SCTR: variants seen among roughly 807,000 people sequenced by gnomAD.
SCTR encodes secretin receptor, also known as pancreatic secretin receptor.
A neutral mutation model predicts 60.8 loss-of-function variants in SCTR; 56 were observed. The ratio of observed to expected loss-of-function variants is 0.92; its 90% CI spans 0.74 to 1.15. The LOEUF (loss-of-function observed/expected upper bound fraction) is 1.15, where lower values mean the gene tolerates loss of function less well. SCTR is among the 50% of genes most tolerant of loss of function. SCTR has a pLI of 0.00. For missense variants in SCTR, 562 were observed against 550.4 expected (o/e 1.02, Z -0.21); for synonymous variants, 202 against 217.0 (o/e 0.93, Z 0.61).
intron 10 of SCTR, 81 bp downstream of exon 10, chr2:119,448,608 G>T: frequency 1.2e-6 from 1 of 821,942 alleles, no homozygotes; most frequent in Non-Finnish European, 2.1e-6. Context: ...GTCTCCAATA[G>T]CTAGCACCAG....
intron 11 of SCTR, among the ~76,000 whole-genome samples, chr2:119,445,999 A>G (rs993304820): frequency 2.0e-5 from 3 of 152,238 alleles, no homozygotes; most frequent in Non-Finnish European, 4.4e-5. Context: ...ATGAGTAAAT[A>G]AACAAACGGC....
At chr2:119,475,629 TATTTATATTATATATATAATATAA>T (rs1677244523) in intron 3 of SCTR, among the ~76,000 whole-genome samples, 3 of 147,366 alleles carry the variant, frequency 2.0e-5, no homozygotes, top group South Asian at 2.1e-4. Flanking sequence ...TAGATGTAGA[TATTTATATTATATATATAATATAA>T]ATAGATATTT....
At chr2:119,488,773 G>A (rs1677995413) in intron 2 of SCTR, among the ~76,000 whole-genome samples, 1 of 152,184 alleles carries the variant, frequency 6.6e-6, no homozygotes. Flanking sequence ...GCCTTCTTCA[G>A]GTAGTCATTC....
intron 2 of SCTR, among the ~76,000 whole-genome samples, chr2:119,491,088 A>G (rs1040982888): frequency 6.6e-6 from 1 of 152,136 alleles, no homozygotes. Context: ...CCAAACAATG[A>G]CATCGTATCC....
Position 119,453,320 on chromosome 2 carries a change from C to A in SCTR, c.818G>T (p.Trp273Leu), listed in dbSNP as rs749755045. 6.2e-7 allele frequency: 1 copy of A among 1,613,804 alleles called. No individual in the cohort carries two copies. Among genetic ancestry groups the A allele is most frequent in the South Asian group, 1.1e-5 (1 of 91,072 alleles). Residue 273 changes from tryptophan (W) to leucine (L), a missense_variant, in exon 8 of 13, where the codon TGG becomes TTG. By Grantham distance (61) the Trp-to-Leu change is moderately conservative (BLOSUM62 -2). Coordinates refer to ENST00000019103, the MANE Select transcript of SCTR (RefSeq NM_002980.3). ...TTCCAGAAAGTGTCTGGCAATAGCC[C>A]ACAAAGCAACAAAAATGGCTGGAGA... Reference protein sequence around the residue: ...WGSPAIFVALWAIARHFLEDV... With the variant: ...WGSPAIFVALLAIARHFLEDV...
rs71396064 is a variant in SCTR, at chr2:119,519,810, C to CA, written c.72+4344dup. On this transcript the variant is annotated intron_variant, in intron 1 of 12. Coordinates refer to ENST00000019103, the MANE Select transcript of SCTR (RefSeq NM_002980.3). ...GACAGAGTGAGATGAGACTCTGTCT[C>CA]AAAAAAAAAAAAAAAAAGAAAAAAA... Among the ~76,000 whole-genome samples the CA allele has an allele frequency of 3.7e-3, 212 of 57,878 alleles. 2 individuals carry two copies. The highest frequency in any genetic ancestry group is 0.019 in the South Asian group (27 of 1,402). The allele number at this position is 57,878 out of a possible 152,430, so 38.0% of individuals were successfully genotyped here.
At chr2:119,462,225 C>A (rs934095515) in intron 6 of SCTR, among the ~76,000 whole-genome samples, 1 of 152,152 alleles carries the variant, frequency 6.6e-6, no homozygotes, top group Non-Finnish European at 1.5e-5. Context: ...GCTGGCCAAT[C>A]AATGAGCCAT....
chr2:119,463,211 C>T (rs1683687896), intron 6 of SCTR, among the ~76,000 whole-genome samples: 2 of 152,214 alleles, frequency 1.3e-5, no homozygotes, highest in East Asian at 1.9e-4. Context: ...TAGTAAAAAA[C>T]TCTATCACCC....
intron 1 of SCTR, among the ~76,000 whole-genome samples, chr2:119,503,507 G>C (rs372572548): frequency 1.3e-5 from 2 of 152,318 alleles, no homozygotes; most frequent in East Asian, 1.9e-4. Flanking sequence ...CTGCACTCCA[G>C]TCTGGGGGAC....
intron 2 of SCTR, chr2:119,486,090 G>C (rs539762174): frequency 6.6e-6 from 1 of 152,128 alleles, no homozygotes; most frequent in Non-Finnish European, 1.5e-5. Flanking sequence ...GAAATCCCAG[G>C]GCAACAAGGG....
chr2:119,462,508 T>C (rs972771261), intron 6 of SCTR, among the ~76,000 whole-genome samples: 3 of 152,216 alleles, frequency 2.0e-5, no homozygotes, highest in African/African-American at 7.2e-5. Context: ...GGCTGGTACA[T>C]TGCACTCTCC....
chr2:119,471,467 G>A (rs774229712), intron 4 of SCTR, among the ~76,000 whole-genome samples: 1 of 152,200 alleles, frequency 6.6e-6, no homozygotes. Flanking sequence ...CCAATGGGAT[G>A]ACAAGCCCTG....
Position 119,524,374 on chromosome 2 carries a change from G to A in SCTR, c.-148C>T, listed in dbSNP as rs1005463134. On this transcript the variant is annotated 5_prime_UTR_variant, in exon 1 of 13. Coordinates refer to ENST00000019103, the MANE Select transcript of SCTR (RefSeq NM_002980.3). ...ATGGCTGAGCCACCCGACCTGCGGC[G>A]GGCCCCGGGACTGCTCCTCCTCGGA... is the stretch of plus-strand genomic sequence containing the variant. 1 of 471,228 alleles carries A rather than the reference G, an allele frequency of 2.1e-6. No homozygotes were observed. The highest frequency in any genetic ancestry group is 3.8e-5 in the East Asian group (1 of 26,432). 29.2% of individuals were successfully genotyped at this position (471,228 alleles called of 1,614,324 possible). A position where few individuals can be genotyped will look rare whatever the true frequency, so the allele number is the denominator to read the frequency against.
intron 4 of SCTR, among the ~76,000 whole-genome samples, chr2:119,470,297 A>G (rs758781210): frequency 2.0e-5 from 3 of 152,230 alleles, no homozygotes; most frequent in African/African-American, 7.2e-5. Context: ...GAAAAAAAGA[A>G]AAGCAACTAA....
At chr2:119,492,187 A>G (rs546203149) in intron 2 of SCTR, among the ~76,000 whole-genome samples, 1 of 152,322 alleles carries the variant, frequency 6.6e-6, no homozygotes, top group African/African-American at 2.4e-5. Flanking sequence ...GACAGAAGCC[A>G]CACATTCAGG....
chr2:119,478,046 A>ACTTT (rs1677414053), intron 3 of SCTR, among the ~76,000 whole-genome samples: 1 of 152,160 alleles, frequency 6.6e-6, no homozygotes, highest in African/African-American at 2.4e-5. Context: ...GCCTTGCCTG[A>ACTTT]CTTTGAAAGG....
In SCTR at chr2:119,464,272, TA is replaced by T. The variant is rs1558848621; in HGVS notation, c.504-18del. ...TGGAGCCTCCTGCAGGGAGAGAATG[TA>T]GGGACATAGAGGCCAGAGCCTGAGG... On this transcript the variant is annotated intron_variant, in intron 5 of 12. Transcript: ENST00000019103. The T allele has an allele frequency of 6.2e-7, 1 of 1,613,918 alleles. No homozygotes were observed. Among genetic ancestry groups the T allele is most frequent in the African/African-American group, 1.3e-5 (1 of 75,020 alleles).
At chr2:119,502,834 AAAAG>A (rs1042711512) in intron 1 of SCTR, among the ~76,000 whole-genome samples, 1 of 151,418 alleles carries the variant, frequency 6.6e-6, no homozygotes, top group Non-Finnish European at 1.5e-5. Flanking sequence ...AAAAAAAAAA[AAAAG>A]AAAGAAAGAA....
intron 4 of SCTR, among the ~76,000 whole-genome samples, chr2:119,466,434 C>G (rs1683837342): frequency 6.6e-6 from 1 of 152,006 alleles, no homozygotes; most frequent in Admixed American, 6.5e-5. Flanking sequence ...ATCTGTTTCT[C>G]TTTCATTTTC....
Sources: gnomAD v4.1 joint callset for allele counts (sites outside exome capture counted in the v4.1 genomes callset) on GRCh38, gnomAD v4.1.1 for gene constraint, MANE v1.5 for transcripts, NCBI Gene and HGNC (gene_info 2026-07-23, HGNC 2026-07-21) for gene names.